Variants in SPATA6 observed in about 807,000 individuals in gnomAD.
SPATA6 encodes spermatogenesis associated 6, also known as spermatogenesis-associated protein 6.
A neutral mutation model predicts 65.3 loss-of-function variants in SPATA6; 56 were observed. The observed-to-expected ratio is 0.86, with a 90% CI of 0.69 to 1.07. The LOEUF is 1.07. Among genes scored for constraint, SPATA6 ranks in the 50% least tolerant of loss-of-function variants. The probability of loss-of-function intolerance (pLI) is 0.00; values close to 1 mark genes in which losing one functional copy is unlikely to be tolerated. For missense variants in SPATA6, 590 were observed against 594.8 expected (o/e 0.99, Z 0.08); for synonymous variants, 199 against 213.2 (o/e 0.93, Z 0.58).
intron 9 of SPATA6, among the ~76,000 whole-genome samples, chr1:48,366,767 T>C (rs1410474760): frequency 2.0e-5 from 3 of 152,212 alleles, no homozygotes; most frequent in African/African-American, 4.8e-5. Flanking sequence ...CATTGATTTT[T>C]TGAAGGGTTT....
At chr1:48,329,197 T>C (rs1194682610) in intron 11 of SPATA6, among the ~76,000 whole-genome samples, 1 of 152,094 alleles carries the variant, frequency 6.6e-6, no homozygotes, top group African/African-American at 2.4e-5. Context: ...ACAGAGCCAA[T>C]GAAGAAATCA....
chr1:48,278,933 A>C, the SPATA6 span, among the ~76,000 whole-genome samples: 1 of 152,234 alleles, frequency 6.6e-6, no homozygotes, highest in Admixed American at 6.5e-5. Flanking sequence ...GCCAGAGAGA[A>C]AGGTCAGGTT....
At chr1:48,362,245 C>T (rs759807689) in intron 9 of SPATA6, among the ~76,000 whole-genome samples, 1 of 151,896 alleles carries the variant, frequency 6.6e-6, no homozygotes. Flanking sequence ...CACAGCAACA[C>T]TCTGTCTCAA....
intron 11 of SPATA6, among the ~76,000 whole-genome samples, chr1:48,307,353 T>G (rs1645085782): frequency 6.8e-6 from 1 of 147,884 alleles, no homozygotes; most frequent in African/African-American, 2.4e-5. Flanking sequence ...ATTTTATATA[T>G]ATATAATTAT....
the SPATA6 span, among the ~76,000 whole-genome samples, chr1:48,286,274 A>G: frequency 1.3e-5 from 2 of 151,766 alleles, no homozygotes; most frequent in African/African-American, 2.4e-5. Flanking sequence ...GGTAGTACAG[A>G]CATTTTAAAA....
chr1:48,363,273 G>T (rs529665145), intron 9 of SPATA6, among the ~76,000 whole-genome samples: 1 of 152,090 alleles, frequency 6.6e-6, no homozygotes, highest in East Asian at 1.9e-4. Context: ...GCTCTTGTGA[G>T]TTTCCGTTAG....
the SPATA6 span, among the ~76,000 whole-genome samples, chr1:48,285,410 C>T: frequency 6.7e-6 from 1 of 149,584 alleles, no homozygotes; most frequent in Non-Finnish European, 1.5e-5. Context: ...GGCTCCCTGG[C>T]TTCAGCCCCC....
In SPATA6 at chr1:48,430,874, T is replaced by C. The variant is rs539699979; in HGVS notation, c.239-17723A>G. ...ATGCAGAAAATGAGTGACAAAAAAG[T>C]TGTAAGGCATATAGAAAACCAATAG... On this transcript the variant is annotated intron_variant, in intron 3 of 12. Coordinates refer to ENST00000371847, the MANE Select transcript of SPATA6 (RefSeq NM_019073.4). Among the ~76,000 whole-genome samples the C allele has an allele frequency of 5.3e-5, 8 of 152,012 alleles. 1 individual carries two copies. The South Asian group carries it at 1.7e-3, about 32-fold the overall frequency.
intron 11 of SPATA6, among the ~76,000 whole-genome samples, chr1:48,308,745 T>A (rs1205409921): frequency 1.3e-5 from 2 of 152,134 alleles, no homozygotes; most frequent in Non-Finnish European, 2.9e-5. Flanking sequence ...TTCAGTACAT[T>A]GAATATATCA....
At chr1:48,382,479 C>T (rs1336076447) in intron 9 of SPATA6, among the ~76,000 whole-genome samples, 8 of 130,530 alleles carry the variant, frequency 6.1e-5, no homozygotes, top group African/African-American at 2.4e-4. Flanking sequence ...CCCCACCTCC[C>T]TCCCGGACGG....
chr1:48,381,348 A>G (rs374027479), intron 9 of SPATA6, among the ~76,000 whole-genome samples: 40 of 152,224 alleles, frequency 2.6e-4, no homozygotes, highest in African/African-American at 9.2e-4. Context: ...GAAACTTGGT[A>G]AAAATAGAAA....
intron 11 of SPATA6, among the ~76,000 whole-genome samples, chr1:48,330,551 G>A (rs1570153045): frequency 6.6e-6 from 1 of 152,352 alleles, no homozygotes; most frequent in South Asian, 2.1e-4. Context: ...CTGTTGTTCT[G>A]AGAAATGCCT....
chr1:48,398,393 TTTCAGATTGTGTATG>T (rs1650808655), intron 7 of SPATA6, among the ~76,000 whole-genome samples: 2 of 151,846 alleles, frequency 1.3e-5, no homozygotes, highest in East Asian at 3.9e-4. Flanking sequence ...AAATCTGAAC[TTTCAGATTGTGTATG>T]TTCAAAAAGT....
chr1:48,439,498 A>T (rs1456125285), intron 3 of SPATA6, among the ~76,000 whole-genome samples: 1 of 151,940 alleles, frequency 6.6e-6, no homozygotes, highest in Non-Finnish European at 1.5e-5. Context: ...CTGCTGCATC[A>T]GTGAGTGCAA....
chr1:48,377,162 G>C (rs968928579), intron 9 of SPATA6, among the ~76,000 whole-genome samples: 89 of 152,182 alleles, frequency 5.8e-4, no homozygotes, highest in African/African-American at 1.9e-3. Context: ...TCTTTTCTCA[G>C]TCCATTCATT....
At chr1:48,327,874 C>T (rs991883414) in intron 11 of SPATA6, among the ~76,000 whole-genome samples, 1 of 152,132 alleles carries the variant, frequency 6.6e-6, no homozygotes, top group African/African-American at 2.4e-5. Flanking sequence ...ACAATGTTCA[C>T]TATTTGGGTG....
At chr1:48,399,184 A>T in intron 7 of SPATA6, 167 bp downstream of exon 7, 1 of 809,766 alleles carries the variant, frequency 1.2e-6, no homozygotes, top group Non-Finnish European at 1.9e-6. Context: ...AAAAAAAGCA[A>T]GTTCTTTCAT....
chr1:48,352,985 T>C (rs1322868878), intron 11 of SPATA6, among the ~76,000 whole-genome samples: 1 of 151,768 alleles, frequency 6.6e-6, no homozygotes, highest in Admixed American at 6.6e-5. Flanking sequence ...CCAAGATGTT[T>C]TGAAGAAAAC....
At chr1:48,406,086 A>C (rs960687229) in intron 5 of SPATA6, among the ~76,000 whole-genome samples, 2 of 152,080 alleles carry the variant, frequency 1.3e-5, no homozygotes, top group Non-Finnish European at 2.9e-5. Context: ...TCTGCCTCAC[A>C]CATGCCCAAG....
Sources: allele counts gnomAD v4.1 joint callset (sites outside exome capture counted in the v4.1 genomes callset), GRCh38; gene constraint gnomAD v4.1.1; transcripts MANE v1.5; gene names NCBI Gene and HGNC (gene_info 2026-07-23, HGNC 2026-07-21).